Variants in ALG5 observed in about 807,000 individuals in gnomAD.
The protein encoded by ALG5 is ALG5 dolichyl-phosphate beta-glucosyltransferase, also known as dolichyl-phosphate beta-glucosyltransferase.
In ALG5, 26 loss-of-function variants were observed where a neutral mutation model predicts 51.8. That is an observed-to-expected ratio of 0.50 (90% CI 0.37 to 0.70). The LOEUF is 0.70. Among genes scored for constraint, ALG5 ranks in the 30% least tolerant of loss-of-function variants. ALG5 has a pLI of 0.00. For synonymous variants in ALG5, 141 were observed against 136.1 expected (o/e 1.04, Z -0.25); for missense variants, 311 against 399.3 (o/e 0.78, Z 1.88).
chr13:36,964,338 T>C (rs1320274126), intron 8 of ALG5, among the ~76,000 whole-genome samples: 1 of 152,138 alleles, frequency 6.6e-6, no homozygotes, highest in Non-Finnish European at 1.5e-5. Context: ...TGCAAAGACC[T>C]TGTGGGCTAC....
chr13:36,996,713 T>C (rs2059052545), intron 1 of ALG5, among the ~76,000 whole-genome samples: 1 of 152,234 alleles, frequency 6.6e-6, no homozygotes, highest in African/African-American at 2.4e-5. Flanking sequence ...TTTATATGTA[T>C]GAAAGGTATT....
At chr13:36,986,545 G>C (rs2059002683) in intron 5 of ALG5, among the ~76,000 whole-genome samples, 1 of 152,158 alleles carries the variant, frequency 6.6e-6, no homozygotes, top group South Asian at 2.1e-4. Context: ...TACAAATGTA[G>C]AGAGAAATCA....
intron 1 of ALG5, among the ~76,000 whole-genome samples, chr13:36,997,469 A>G (rs1363194082): frequency 6.9e-4 from 5 of 7,284 alleles, no homozygotes; most frequent in Non-Finnish European, 1.4e-3. Flanking sequence ...TCCGTCTCAA[A>G]AAAAAAAAAA....
At position 36,950,063 on chromosome 13, in the gene ALG5, A is replaced by G. The variant is rs372788214; in HGVS notation, c.860-6T>C. 2.2e-5 allele frequency: 34 copies of G among 1,547,306 alleles called. No homozygotes were observed. The highest frequency in any genetic ancestry group is 2.8e-5 in the Non-Finnish European group (32 of 1,128,536). On this transcript the variant is annotated splice_polypyrimidine_tract_variant and splice_region_variant and intron_variant, in intron 9 of 9. Coordinates refer to ENST00000239891, the MANE Select transcript of ALG5 (RefSeq NM_013338.5). ...GAATGGAACTAATTTAGAACCTGTG[A>G]TTTAAAAATAATTAAAAACAAATTA...
rs775545471 is a variant in ALG5 at position 36,993,705 on chromosome 13, G to C, written c.286-33C>G. The C allele has an allele frequency of 3.8e-6, 6 of 1,569,280 alleles. No homozygotes were observed. In the East Asian group the frequency reaches 1.3e-4, roughly 35 times the overall value. On this transcript the variant is annotated intron_variant, in intron 3 of 9. Transcript: ENST00000239891. ...AAACAAAAATAAAGTAATACAATTT[G>C]GCATAACTGCCATAAAGTATTCTAA...
At chr13:36,998,988 G>A (rs778923541) in intron 1 of ALG5, 250 of 377,000 alleles carry the variant, frequency 6.6e-4, no homozygotes, top group Non-Finnish European at 1.0e-3. Flanking sequence ...GGGTGGGTGC[G>A]CTCCAGTGTG....
At chr13:36,951,529 A>C (rs2058817916) in intron 9 of ALG5, among the ~76,000 whole-genome samples, 1 of 152,220 alleles carries the variant, frequency 6.6e-6, no homozygotes, top group Admixed American at 6.5e-5. Context: ...GACTTCGAAA[A>C]AGTCTCCAGT....
rs980526814 is a variant in ALG5, at chr13:36,979,578, T to C, written c.561+6049A>G. Among the ~76,000 whole-genome samples the C allele has an allele frequency of 2.0e-5, 3 of 152,184 alleles. No individual in the cohort carries two copies. In the East Asian group the frequency reaches 5.8e-4, roughly 29 times the overall value. On this transcript the variant is annotated intron_variant, in intron 6 of 9. Coordinates refer to ENST00000239891, the MANE Select transcript of ALG5 (RefSeq NM_013338.5). ...TTACTATATTAGAGATAGAAGAGCA[T>C]TCAGGGTCATTAGTAAGCAACCCAG...
intron 8 of ALG5, among the ~76,000 whole-genome samples, chr13:36,957,633 G>T (rs1398643762): frequency 6.6e-6 from 1 of 152,052 alleles, no homozygotes; most frequent in Non-Finnish European, 1.5e-5. Flanking sequence ...CTGCTCTGTT[G>T]CCTACAGCCT....
chr13:36,968,433 T>G (rs1566060325), intron 7 of ALG5, among the ~76,000 whole-genome samples: 1 of 152,190 alleles, frequency 6.6e-6, no homozygotes, highest in Non-Finnish European at 1.5e-5. Context: ...CTAAAAACAT[T>G]AAGTAACCAC....
intron 6 of ALG5, among the ~76,000 whole-genome samples, chr13:36,976,599 T>C (rs909022200): frequency 3.3e-5 from 5 of 151,502 alleles, no homozygotes; most frequent in Admixed American, 1.3e-4. Flanking sequence ...AATACATAAA[T>C]TAGCCGGCTG....
At chr13:36,963,039 G>A (rs2058875062) in intron 8 of ALG5, among the ~76,000 whole-genome samples, 1 of 152,114 alleles carries the variant, frequency 6.6e-6, no homozygotes, top group African/African-American at 2.4e-5. Context: ...GCCTAAACTG[G>A]GCTTATGAGA....
At chr13:36,965,987 G>A (rs2058891571) in intron 7 of ALG5, among the ~76,000 whole-genome samples, 3 of 152,184 alleles carry the variant, frequency 2.0e-5, no homozygotes, top group African/African-American at 7.2e-5. Context: ...CAGGGCTTTA[G>A]CCTACCAGGA....
chr13:36,964,791 A>G (rs1325001481), intron 8 of ALG5, among the ~76,000 whole-genome samples: 1 of 151,904 alleles, frequency 6.6e-6, no homozygotes, highest in Non-Finnish European at 1.5e-5. Flanking sequence ...TGGGTGTGGT[A>G]GCGCCCACCT....
At chr13:36,988,186 C>A (rs959950834) in intron 5 of ALG5, among the ~76,000 whole-genome samples, 1 of 152,148 alleles carries the variant, frequency 6.6e-6, no homozygotes. Flanking sequence ...TTTGCATGTA[C>A]TTCTATTATA....
At chr13:36,972,103 T>C in intron 6 of ALG5, 67 bp from the exon 7 acceptor site, 2 of 1,208,694 alleles carry the variant, frequency 1.7e-6, no homozygotes, top group East Asian at 2.6e-5. Flanking sequence ...TTATTTTCAA[T>C]GAGAATATCT....
chr13:36,954,204 T>G (rs527635263), intron 8 of ALG5, among the ~76,000 whole-genome samples: 3 of 152,266 alleles, frequency 2.0e-5, no homozygotes, highest in African/African-American at 7.2e-5. Context: ...CCTCCCACCT[T>G]TGCCTCCTGA....
rs1566054754 is a variant in ALG5, at chr13:36,949,884, C to CAAATG, written c.*53_*57dup. On this transcript the variant is annotated 3_prime_UTR_variant, in exon 10 of 10. Coordinates refer to ENST00000239891, the MANE Select transcript of ALG5 (RefSeq NM_013338.5). ...TCAGCTTTACTTAAAATTTTAGTTT[C>CAAATG]AAATGAAATGAAATGTGACACTGAA... 2 of 1,072,446 alleles carry CAAATG rather than the reference C, an allele frequency of 1.9e-6. No individual in the cohort carries two copies. The highest frequency in any genetic ancestry group is 1.6e-5 in the African/African-American group (1 of 62,086). The allele number at this position is 1,072,446 out of a possible 1,614,324, so 66.4% of individuals were successfully genotyped here.
At position 36,958,279 on chromosome 13, in the gene ALG5, T is replaced by C. The variant is rs76022048; in HGVS notation, c.774-5680A>G. On this transcript the variant is annotated intron_variant, in intron 8 of 9. Transcript: ENST00000239891. ...GAATGTGGCTTCCTGGAAATACTGATGCCCCAATGTATAGGAGTTTTTCTA... is the reference window on the plus strand; with the variant it reads ...GAATGTGGCTTCCTGGAAATACTGACGCCCCAATGTATAGGAGTTTTTCTA... Among the ~76,000 whole-genome samples, 670 of 152,232 alleles carry C rather than the reference T, an allele frequency of 4.4e-3. 8 individuals are homozygous for C. The highest frequency in any genetic ancestry group is 0.017 in the South Asian group (84 of 4,822).
Sources: allele counts gnomAD v4.1 joint callset (sites outside exome capture counted in the v4.1 genomes callset), GRCh38; gene constraint gnomAD v4.1.1; transcripts MANE v1.5; gene names NCBI Gene and HGNC (gene_info 2026-07-23, HGNC 2026-07-21).